Variants in TMEM74 observed in about 807,000 individuals in gnomAD.
TMEM74 encodes the protein transmembrane protein 74.
Under a neutral mutation model 18.1 loss-of-function variants are expected in TMEM74, and 13 were observed. The ratio of observed to expected loss-of-function variants is 0.72; its 90% CI spans 0.47 to 1.14. The LOEUF (loss-of-function observed/expected upper bound fraction) is 1.14, where lower values mean the gene tolerates loss of function less well. TMEM74 is among the 50% of genes most tolerant of loss of function. The pLI is 0.00. For missense variants in TMEM74, 372 were observed against 375.9 expected, an observed-to-expected ratio of 0.99 and a Z score of 0.09; for synonymous variants, 159 against 146.6, an observed-to-expected ratio of 1.08 and a Z score of -0.61.
intron 1 of TMEM74, among the ~76,000 whole-genome samples, chr8:108,768,392 C>T (rs1814133929): frequency 6.6e-6 from 1 of 152,112 alleles, no homozygotes; most frequent in East Asian, 1.9e-4. Flanking sequence ...ACTATCCTCA[C>T]CTACTTTTCC....
At chr8:108,686,018 T>C (rs919500942) in intron 1 of TMEM74, among the ~76,000 whole-genome samples, 3 of 151,798 alleles carry the variant, frequency 2.0e-5, no homozygotes, top group African/African-American at 7.3e-5. Context: ...AAGGTGTTAA[T>C]TAAACTTAAA....
chr8:108,640,089 A>G (rs1344266418), intron 2 of TMEM74, among the ~76,000 whole-genome samples: 2 of 124,942 alleles, frequency 1.6e-5, no homozygotes, highest in African/African-American at 6.0e-5. Flanking sequence ...AGTAACTACT[A>G]TTCTTTTACT....
At chr8:108,690,484 T>G (rs945303002) in intron 1 of TMEM74, among the ~76,000 whole-genome samples, 4 of 150,124 alleles carry the variant, frequency 2.7e-5, no homozygotes, top group Non-Finnish European at 5.9e-5. Flanking sequence ...AGGTTTTTTG[T>G]TTTTTTTTCT....
At chr8:108,684,488 G>A (rs765487487) in intron 1 of TMEM74, among the ~76,000 whole-genome samples, 1 of 150,792 alleles carries the variant, frequency 6.6e-6, no homozygotes, top group Non-Finnish European at 1.5e-5. Context: ...GGATATTAAT[G>A]CCCTGTCAGA....
At chr8:108,629,199 A>G (rs184397323) in intron 2 of TMEM74, among the ~76,000 whole-genome samples, 1 of 152,226 alleles carries the variant, frequency 6.6e-6, no homozygotes, top group Non-Finnish European at 1.5e-5. Flanking sequence ...ACAAGTATCA[A>G]TAGCCAAATC....
chr8:108,649,826 G>A (rs545128362), intron 2 of TMEM74, among the ~76,000 whole-genome samples: 2 of 152,226 alleles, frequency 1.3e-5, no homozygotes, highest in African/African-American at 4.8e-5. Context: ...GTCCAGTGGA[G>A]CCTTCAATGT....
At chr8:108,622,339 T>G (rs1407950481) in intron 2 of TMEM74, among the ~76,000 whole-genome samples, 1 of 152,072 alleles carries the variant, frequency 6.6e-6, no homozygotes, top group Non-Finnish European at 1.5e-5. Flanking sequence ...GTTCCTCAGA[T>G]GAAGAGACAG....
At chr8:108,751,792 AT>A (rs1813906290) in intron 1 of TMEM74, among the ~76,000 whole-genome samples, 1 of 152,066 alleles carries the variant, frequency 6.6e-6, no homozygotes, top group Admixed American at 6.6e-5. Flanking sequence ...GAAACAATAA[AT>A]TTCCCCTAAA....
chr8:108,612,593 A>G (rs1396550071), intron 2 of TMEM74, among the ~76,000 whole-genome samples: 2 of 152,150 alleles, frequency 1.3e-5, no homozygotes, highest in Non-Finnish European at 2.9e-5. Context: ...GAACTGGTGG[A>G]CTCTATGATG....
intron 2 of TMEM74, among the ~76,000 whole-genome samples, chr8:108,634,661 A>G (rs947938503): frequency 6.6e-6 from 1 of 151,962 alleles, no homozygotes; most frequent in African/African-American, 2.4e-5. Flanking sequence ...GAAAACCGAG[A>G]CCACTGCTCC....
chr8:108,657,855 AAAAAATATATATATATAT>A (rs1188171130), intron 1 of TMEM74, among the ~76,000 whole-genome samples: 2 of 60,128 alleles, frequency 3.3e-5, no homozygotes, highest in South Asian at 6.6e-4. Flanking sequence ...AAAAAAAAAA[AAAAAATATATATATATAT>A]ATATATATAT....
rs1812827629 is a variant in TMEM74, at chr8:108,657,103, A to G, written n.120-1666T>C. Among the ~76,000 whole-genome samples, 4 of 152,086 alleles carry G rather than the reference A, an allele frequency of 2.6e-5. No homozygotes were observed. The South Asian group carries it at 8.3e-4, about 32-fold the overall frequency. On this transcript the variant is annotated intron_variant and non_coding_transcript_variant, in intron 1 of 3. Transcript: ENST00000518838. ...ATATTAGTCTTTTGAGACAATTCCAATCAGCATCCCTAATTTATATGTAAG... is the reference window on the plus strand; with the variant it reads ...ATATTAGTCTTTTGAGACAATTCCAGTCAGCATCCCTAATTTATATGTAAG...
intron 1 of TMEM74, among the ~76,000 whole-genome samples, chr8:108,715,441 A>T (rs1813513946): frequency 6.6e-6 from 1 of 152,126 alleles, no homozygotes. Flanking sequence ...AGAAAAAAAA[A>T]TGAGTTGCCT....
intron 1 of TMEM74, among the ~76,000 whole-genome samples, chr8:108,706,838 T>G (rs112295937): frequency 0.019 from 2,793 of 150,812 alleles, 104 homozygotes; most frequent in African/African-American, 0.065. Flanking sequence ...TAAAATAATA[T>G]TTGAAATTTT....
chr8:108,735,877 T>C (rs1414864491), intron 1 of TMEM74, among the ~76,000 whole-genome samples: 3 of 152,162 alleles, frequency 2.0e-5, no homozygotes, highest in Non-Finnish European at 4.4e-5. Flanking sequence ...AGATTCAATT[T>C]CATTTTCTCC....
At chr8:108,739,286 C>A (rs1396901265) in intron 1 of TMEM74, among the ~76,000 whole-genome samples, 4 of 152,260 alleles carry the variant, frequency 2.6e-5, no homozygotes, top group Non-Finnish European at 4.4e-5. Context: ...GTGGGATTGA[C>A]TGAAGGAAGA....
intron 2 of TMEM74, among the ~76,000 whole-genome samples, chr8:108,610,272 G>A (rs1001447021): frequency 5.9e-5 from 9 of 152,048 alleles, no homozygotes; most frequent in Non-Finnish European, 1.2e-4. Context: ...GGGAGATAAG[G>A]GTGCTGACTC....
At chr8:108,736,020 C>T (rs1813746190) in intron 1 of TMEM74, among the ~76,000 whole-genome samples, 1 of 151,972 alleles carries the variant, frequency 6.6e-6, no homozygotes, top group Admixed American at 6.6e-5. Flanking sequence ...ATATGAAGTC[C>T]TAGCTTTGGA....
chr8:108,629,522 C>A (rs1223999901), intron 2 of TMEM74, among the ~76,000 whole-genome samples: 1 of 151,944 alleles, frequency 6.6e-6, no homozygotes, highest in Non-Finnish European at 1.5e-5. Flanking sequence ...AACCCCAAGA[C>A]ACATAATTGT....
Sources: gnomAD v4.1 joint callset for allele counts (sites outside exome capture counted in the v4.1 genomes callset) on GRCh38, gnomAD v4.1.1 for gene constraint, MANE v1.5 for transcripts, NCBI Gene and HGNC (gene_info 2026-07-23, HGNC 2026-07-21) for gene names.